PC: variants seen among roughly 807,000 people sequenced by gnomAD.
PC encodes pyruvate carboxylase, mitochondrial.
In PC, 46 loss-of-function variants were observed where a neutral mutation model predicts 107.8. That is an observed-to-expected ratio of 0.43 (90% CI 0.34 to 0.55). The LOEUF (loss-of-function observed/expected upper bound fraction) is 0.55. PC is among the 20% of genes least tolerant of loss of function. The probability of loss-of-function intolerance (pLI) is 0.04; values close to 1 mark genes in which losing one functional copy is unlikely to be tolerated. For synonymous variants in PC, 662 were observed against 684.7 expected, an observed-to-expected ratio of 0.97 and a Z score of 0.52; for missense variants, 1,241 against 1,643.1, an observed-to-expected ratio of 0.76 and a Z score of 4.23.
At position 66,857,755 on chromosome 11, in the gene PC, C is replaced by T. The variant is rs1296825678; in HGVS notation, c.1369-4372G>A. 1.3e-6 allele frequency: 2 copies of T among 1,593,174 alleles called. No homozygotes were observed. The highest frequency in any genetic ancestry group is 3.3e-5 in the Admixed American group (2 of 59,804). On this transcript the variant is annotated intron_variant, in intron 12 of 22. Transcript: ENST00000393960. The surrounding 1 kb of genome is among the most constrained non-coding windows in gnomAD (Gnocchi z 7.1). ...TACAGGGCGCTCACCATGGCCCCGC[C>T]GCTCCTGCTGCTGCTGCTGGCCAGT...
intron 12 of PC, among the ~76,000 whole-genome samples, chr11:66,862,860 A>G (rs953056946): frequency 6.6e-6 from 1 of 152,220 alleles, no homozygotes; most frequent in Non-Finnish European, 1.5e-5. Flanking sequence ...TTGCCTCCCA[A>G]GCCTCCTGCT....
intron 3 of PC, among the ~76,000 whole-genome samples, chr11:66,929,069 C>A (rs1269807974): frequency 6.6e-6 from 1 of 152,116 alleles, no homozygotes; most frequent in Non-Finnish European, 1.5e-5. Context: ...TTACCTAGTA[C>A]CGACAGGTCA....
At chr11:66,942,399 C>CAA (rs577741732) in intron 3 of PC, among the ~76,000 whole-genome samples, 3 of 87,014 alleles carry the variant, frequency 3.4e-5, no homozygotes, top group Non-Finnish European at 4.8e-5. Context: ...GACTCCATCT[C>CAA]AAAAAAAAAA....
intron 12 of PC, among the ~76,000 whole-genome samples, chr11:66,863,023 G>C (rs1460761082): frequency 6.6e-6 from 1 of 152,142 alleles, no homozygotes; most frequent in African/African-American, 2.4e-5. Context: ...TGGTGGGGGG[G>C]GATCCACATT....
At chr11:66,949,521 C>T (rs1042674572) in intron 3 of PC, among the ~76,000 whole-genome samples, 1 of 151,764 alleles carries the variant, frequency 6.6e-6, no homozygotes, top group Non-Finnish European at 1.5e-5. Flanking sequence ...ATGAAGAAAC[C>T]CCGCCTCTAC....
In PC at chr11:66,857,698, G is replaced by T; in HGVS notation, c.1369-4315C>A. On this transcript the variant is annotated intron_variant, in intron 12 of 22. Coordinates refer to ENST00000393960, the MANE Select transcript of PC (RefSeq NM_001040716.2). This position sits in a 1 kb window ranked among gnomAD's most constrained non-coding sequence, Gnocchi z 7.1. ...TGGGCCCAAGTGGGCACCTGCGCCAGCCCCACCTGTGCCTGGGCTGTGGCC... is the reference window on the plus strand; with the variant it reads ...TGGGCCCAAGTGGGCACCTGCGCCATCCCCACCTGTGCCTGGGCTGTGGCC... 1 of 1,547,756 alleles carries T rather than the reference G, an allele frequency of 6.5e-7. No homozygotes were observed. The highest frequency in any genetic ancestry group is 8.7e-7 in the Non-Finnish European group (1 of 1,152,196).
At chr11:66,899,019 C>T (rs943491031) in intron 3 of PC, among the ~76,000 whole-genome samples, 6 of 152,052 alleles carry the variant, frequency 3.9e-5, no homozygotes, top group Admixed American at 2.0e-4. Context: ...TACAGGCATG[C>T]GCCACCATGC....
chr11:66,889,097 G>C (rs1947473841), intron 3 of PC, among the ~76,000 whole-genome samples: 1 of 152,050 alleles, frequency 6.6e-6, no homozygotes, highest in African/African-American at 2.4e-5. Flanking sequence ...AAACAAAAAT[G>C]TAAATTCTGA....
intron 13 of PC, 21 bp downstream of exon 13, chr11:66,853,208 GAGGGCAGGGC>G (rs761126120): frequency 1.2e-6 from 2 of 1,608,576 alleles, no homozygotes; most frequent in Non-Finnish European, 1.7e-6. Flanking sequence ...GAGGGGAGGG[GAGGGCAGGGC>G]AGGGCAGTCT....
rs189863040 is a variant in PC, at chr11:66,848,526, G to A, written c.*373C>T. The A allele has an allele frequency of 2.8e-4, 164 of 590,516 alleles. No homozygotes were observed. The highest frequency in any genetic ancestry group is 4.5e-4 in the Middle Eastern group (1 of 2,240). The allele number at this position is 590,516 out of a possible 1,614,324, so 36.6% of individuals were successfully genotyped here. On this transcript the variant is annotated 3_prime_UTR_variant, in exon 23 of 23. Transcript: ENST00000393960. ...GGCTGCACAGGATCCAGCATGGAGG[G>A]CAGGGGAAAGCCAGCTTTATTGAGT... is the stretch of plus-strand genomic sequence containing the variant.
At chr11:66,918,996 A>G (rs1948530512) in intron 3 of PC, among the ~76,000 whole-genome samples, 1 of 152,184 alleles carries the variant, frequency 6.6e-6, no homozygotes, top group South Asian at 2.1e-4. Flanking sequence ...CATATCAACA[A>G]GAGGGTTTCT....
At position 66,849,936 on chromosome 11, in the gene PC, C is replaced by A; in HGVS notation, c.2898+1G>T. On this transcript the variant is annotated splice_donor_variant, in intron 20 of 22. Transcript: ENST00000393960. LOFTEE classifies it high-confidence loss of function. ...CTCACACCATGCTGGGCCTTCCCTA[C>A]CTTAGAGCGAAAGGGTTCGGGGAAC... The A allele has an allele frequency of 6.2e-7, 1 of 1,613,608 alleles. No homozygotes were observed. The highest frequency in any genetic ancestry group is 1.3e-5 in the African/African-American group (1 of 75,070).
chr11:66,856,033 T>C (rs1020032246), intron 12 of PC, among the ~76,000 whole-genome samples: 4 of 152,230 alleles, frequency 2.6e-5, no homozygotes. Flanking sequence ...TGACTTCCTG[T>C]TTCCCAACTG....
intron 12 of PC, chr11:66,860,670 C>T (rs769092238): frequency 4.3e-6 from 3 of 701,596 alleles, no homozygotes; most frequent in South Asian, 3.0e-5. Context: ...GTCTTCTGAC[C>T]TGCAAGAGCA....
At chr11:66,938,994 A>AC (rs1456536868) in intron 3 of PC, among the ~76,000 whole-genome samples, 1 of 151,900 alleles carries the variant, frequency 6.6e-6, no homozygotes, top group Non-Finnish European at 1.5e-5. Flanking sequence ...TCTTCTCTGC[A>AC]CCCCCCAGTC....
chr11:66,941,235 C>T (rs1037387937), intron 3 of PC, among the ~76,000 whole-genome samples: 4 of 152,074 alleles, frequency 2.6e-5, no homozygotes, highest in Non-Finnish European at 5.9e-5. Flanking sequence ...AACCCTCATG[C>T]ACTGTTAATG....
intron 3 of PC, among the ~76,000 whole-genome samples, chr11:66,886,329 G>A (rs1314874450): frequency 6.6e-6 from 1 of 152,144 alleles, no homozygotes; most frequent in Non-Finnish European, 1.5e-5. Flanking sequence ...AGGGAGAGGA[G>A]CCTAAGGGCT....
intron 12 of PC, among the ~76,000 whole-genome samples, chr11:66,861,985 G>A (rs1256471835): frequency 2.6e-5 from 4 of 152,174 alleles, no homozygotes; most frequent in Admixed American, 2.6e-4. Context: ...TGCTGAGGGT[G>A]AGGAGGGAGC....
rs200030109 is a variant in PC, at chr11:66,870,419, C to T, written c.786G>A (p.Glu262=). 1 of 1,613,732 alleles carries T rather than the reference C, an allele frequency of 6.2e-7. No individual in the cohort carries two copies. The highest frequency in any genetic ancestry group is 8.5e-7 in the Non-Finnish European group (1 of 1,180,010). ...GCCGCCGCTGGATGGAGCAGTCTCGCTCGTACAGGTGCAGGATGTTCCCAT... is the reference window on the plus strand; with the variant it reads ...GCCGCCGCTGGATGGAGCAGTCTCGTTCGTACAGGTGCAGGATGTTCCCAT... ...DQYGNILHLY[E]RDCSIQRRHQ... The change falls in exon 9 of 23, where the codon GAG becomes GAA. Residue 262 remains glutamate (E), a synonymous_variant. Transcript: ENST00000393960. The surrounding 1 kb of genome is among the most constrained non-coding windows in gnomAD (Gnocchi z 6.1).
Sources: gnomAD v4.1 joint callset for allele counts (sites outside exome capture counted in the v4.1 genomes callset) on GRCh38, gnomAD v4.1.1 for gene constraint, Gnocchi (gnomAD v3.1) non-coding constraint, MANE v1.5 for transcripts, NCBI Gene and HGNC (gene_info 2026-07-23, HGNC 2026-07-21) for gene names.